LPAR6: variants seen among roughly 807,000 people sequenced by gnomAD.
LPAR6 encodes the protein G-protein coupled purinergic receptor P2Y5.
LPAR6 carries 17 observed loss-of-function variants against 22.0 expected under a neutral mutation model. The ratio of observed to expected loss-of-function variants is 0.77; its 90% CI spans 0.53 to 1.16. LPAR6 has a LOEUF of 1.16. Ranked by LOEUF, LPAR6 falls within the 50% of genes most tolerant of loss-of-function variation. The pLI, the probability that LPAR6 is intolerant of heterozygous loss-of-function variation, is 0.00. For missense variants in LPAR6, 384 were observed against 406.9 expected, an observed-to-expected ratio of 0.94 and a Z score of 0.48; for synonymous variants, 136 against 139.8, an observed-to-expected ratio of 0.97 and a Z score of 0.19.
chr13:48,408,619 C>T (rs1948760498), downstream of LPAR6: 1 of 152,054 alleles, frequency 6.6e-6, no homozygotes, highest in East Asian at 1.9e-4. Context: ...GAATATATGA[C>T]TTACCACAAA....
chr13:48,423,604 T>C (rs546965450), intron 1 of LPAR6, among the ~76,000 whole-genome samples: 5 of 152,320 alleles, frequency 3.3e-5, no homozygotes, highest in African/African-American at 7.2e-5. Context: ...ATTAAAACTT[T>C]AAAGAATTCT....
chr13:48,428,889 T>C (rs1286085991), upstream of LPAR6, among the ~76,000 whole-genome samples: 1 of 152,230 alleles, frequency 6.6e-6, no homozygotes. Context: ...CAAGTACTCT[T>C]CAGTTAAAGT....
chr13:48,409,135 T>G (rs1490643967), downstream of LPAR6, among the ~76,000 whole-genome samples: 3 of 150,874 alleles, frequency 2.0e-5, no homozygotes, highest in Admixed American at 6.6e-5. Flanking sequence ...GTTTTTTGGG[T>G]TTTTTTTCTT....
At chr13:48,419,210 T>C (rs1230031580) in intron 2 of LPAR6, among the ~76,000 whole-genome samples, 2 of 152,056 alleles carry the variant, frequency 1.3e-5, no homozygotes, top group African/African-American at 4.8e-5. Flanking sequence ...TGCAATCAAA[T>C]TAGAACTCAG....
rs115622262 is a variant in LPAR6 at position 48,401,580 on chromosome 13, A to G, written n.115-11768T>C. On this transcript the variant is annotated intron_variant and non_coding_transcript_variant, in intron 1 of 1. Coordinates refer to the LPAR6 transcript ENST00000462781. ...TTATAGCATGTTTTAAAAACTCTGA[A>G]CTGTCACGACCCAGTCTGTTTCAAC... 2.3e-3 allele frequency among the ~76,000 whole-genome samples: 343 copies of G among 152,238 alleles called. 1 individual carries two copies. The highest frequency in any genetic ancestry group is 7.7e-3 in the African/African-American group (320 of 41,554).
chr13:48,433,926 G>A (rs1949156740), intron 1 of LPAR6, among the ~76,000 whole-genome samples: 1 of 151,268 alleles, frequency 6.6e-6, no homozygotes, highest in African/African-American at 2.4e-5. Flanking sequence ...GTCTTGCTAT[G>A]TTGCCCAGGC....
At chr13:48,391,720 G>A (rs1334081119) in intron 1 of LPAR6, among the ~76,000 whole-genome samples, 5 of 152,110 alleles carry the variant, frequency 3.3e-5, no homozygotes, top group Non-Finnish European at 5.9e-5. Context: ...CTGGGTTCAA[G>A]CGATTCTCCT....
chr13:48,443,515 AT>A (rs935590485), intron 1 of LPAR6, among the ~76,000 whole-genome samples: 12 of 152,222 alleles, frequency 7.9e-5, no homozygotes, highest in African/African-American at 2.9e-4. Context: ...ATAACACTTA[AT>A]TTTAAGACTT....
chr13:48,441,420 T>C (rs963116869), intron 1 of LPAR6, among the ~76,000 whole-genome samples: 4 of 152,152 alleles, frequency 2.6e-5, no homozygotes, highest in African/African-American at 9.7e-5. Context: ...TCCAAACATA[T>C]AGAAGTAGTA....
downstream of LPAR6, among the ~76,000 whole-genome samples, chr13:48,409,080 A>G (rs1948765136): frequency 6.6e-6 from 1 of 151,604 alleles, no homozygotes; most frequent in Admixed American, 6.6e-5. Flanking sequence ...TATTATGTAT[A>G]TATTTCTCTT....
intron 1 of LPAR6, among the ~76,000 whole-genome samples, chr13:48,400,928 C>T (rs540086430): frequency 1.1e-4 from 16 of 152,202 alleles, no homozygotes; most frequent in African/African-American, 3.6e-4. Context: ...GAGAATTTTT[C>T]TCTTCTCTTG....
downstream of LPAR6, among the ~76,000 whole-genome samples, chr13:48,409,148 CT>C (rs1330921169): frequency 2.8e-5 from 4 of 143,294 alleles, no homozygotes; most frequent in Non-Finnish European, 6.1e-5. Context: ...TTTTTCTTTT[CT>C]CTTTTTTTTT....
At chr13:48,443,191 T>G (rs556475788) in intron 1 of LPAR6, among the ~76,000 whole-genome samples, 1 of 151,782 alleles carries the variant, frequency 6.6e-6, no homozygotes, top group African/African-American at 2.4e-5. Context: ...AAAGGATTAC[T>G]GTTTTGAAAG....
chr13:48,411,445 G>T lies in LPAR6; in HGVS notation c.979C>A (p.Gln327Lys). ...SEVHGAENFI[Q>K]HNLQTLKSKI... is the part of the protein sequence containing the mutation. ...CTTTTTAAGGTCTGTAGGTTATGCT[G>T]AATAAAATTCTCTGCACCATGAACT... Residue 327 changes from glutamine to lysine, a missense_variant, in exon 1 of 1, where the codon CAG becomes AAG. Physicochemically the swap from Gln to Lys is moderately conservative, Grantham distance 53 (BLOSUM62 1). Coordinates refer to ENST00000620633, the MANE Select transcript of LPAR6 (RefSeq NM_001162498.3). 6.2e-7 allele frequency: 1 copy of T among 1,613,228 alleles called. No individual in the cohort carries two copies. Among genetic ancestry groups the T allele is most frequent in the East Asian group, 2.2e-5 (1 of 44,818 alleles).
downstream of LPAR6, among the ~76,000 whole-genome samples, chr13:48,410,810 A>T (rs1369105694): frequency 6.6e-6 from 1 of 152,164 alleles, no homozygotes; most frequent in East Asian, 1.9e-4. Context: ...CCAAAATGTT[A>T]TCAATGTGTT....
At chr13:48,391,509 C>T (rs2138160010) in intron 1 of LPAR6, 1 of 152,238 alleles carries the variant, frequency 6.6e-6, no homozygotes, top group South Asian at 2.1e-4. Context: ...AATCCCAACA[C>T]TTAGTGGGGC....
At position 48,411,974 on chromosome 13, in the gene LPAR6, G is replaced by A. The variant is rs745453540; in HGVS notation, c.450C>T (p.Pro150=). ...VWLTVIGGSA[P]AVFVQSTHSQ... ...AGTGGGTAGACTGAACAAAAACGGC[G>A]GGTGCACTTCCTCCGATCACAGTTA... is the stretch of plus-strand genomic sequence containing the variant. The change falls in exon 1 of 1, where the codon CCC becomes CCT. Residue 150 remains proline, a synonymous_variant. Coordinates refer to ENST00000620633, the MANE Select transcript of LPAR6 (RefSeq NM_001162498.3). 1.2e-5 allele frequency: 20 copies of A among 1,602,194 alleles called. No homozygotes were observed. Among genetic ancestry groups the A allele is most frequent in the Admixed American group, 1.7e-5 (1 of 58,114 alleles).
At chr13:48,424,909 C>A (rs1010384399) in intron 1 of LPAR6, among the ~76,000 whole-genome samples, 2 of 151,928 alleles carry the variant, frequency 1.3e-5, no homozygotes, top group Admixed American at 1.3e-4. Context: ...AAAATGTTAT[C>A]CAGGTGTGGT....
intron 1 of LPAR6, among the ~76,000 whole-genome samples, chr13:48,392,012 G>T (rs1000025805): frequency 1.3e-5 from 2 of 152,168 alleles, no homozygotes; most frequent in East Asian, 1.9e-4. Flanking sequence ...ATTTTTAAAA[G>T]GTCTTTTGCT....
Sources: allele counts gnomAD v4.1 joint callset (sites outside exome capture counted in the v4.1 genomes callset), GRCh38; gene constraint gnomAD v4.1.1; transcripts MANE v1.5; gene names NCBI Gene and HGNC (gene_info 2026-07-23, HGNC 2026-07-21).